Variants in SNX18 observed in about 807,000 individuals in gnomAD.
SNX18 encodes the protein sorting nexin 18.
A neutral mutation model predicts 48.7 loss-of-function variants in SNX18; 35 were observed. The observed-to-expected ratio is 0.72, with a 90% CI of 0.55 to 0.95. The LOEUF (loss-of-function observed/expected upper bound fraction) is 0.95. Among genes scored for constraint, SNX18 ranks in the 40% least tolerant of loss-of-function variants. The pLI is 0.00. For missense variants in SNX18, 824 were observed against 871.0 expected, an observed-to-expected ratio of 0.95 and a Z score of 0.68; for synonymous variants, 492 against 384.7, an observed-to-expected ratio of 1.28 and a Z score of -3.26.
rs74917587 is a variant in SNX18, at chr5:54,545,803, T to G, written c.*2371T>G. Reference sequence around the variant, plus strand: ...AAACCCAAGAGAAAAGCCATTATCATGTGTATGCTGGTCATCATGATCAGT... The same window carrying G: ...AAACCCAAGAGAAAAGCCATTATCAGGTGTATGCTGGTCATCATGATCAGT... On this transcript the variant is annotated 3_prime_UTR_variant, in exon 2 of 2. Transcript: ENST00000381410. 2.6e-5 allele frequency: 4 copies of G among 151,296 alleles called. 1 individual carries two copies. Among genetic ancestry groups the G allele is most frequent in the Non-Finnish European group, 1.5e-5 (1 of 68,018 alleles). The allele number at this position is 151,296 out of a possible 1,614,324, so 9.4% of individuals were successfully genotyped here.
At chr5:54,542,218 G>T (rs1367285352) in intron 1 of SNX18, among the ~76,000 whole-genome samples, 1 of 152,144 alleles carries the variant, frequency 6.6e-6, no homozygotes, top group Non-Finnish European at 1.5e-5. Context: ...TCAAACTTTT[G>T]TGTCTTTGTA....
Position 54,543,528 on chromosome 5 carries a change from G to GT in SNX18, c.*97dup, listed in dbSNP as rs1762512318. 6.9e-7 allele frequency: 1 copy of GT among 1,451,164 alleles called. No individual in the cohort carries two copies. The highest frequency in any genetic ancestry group is 1.4e-5 in the African/African-American group (1 of 70,680). 89.9% of individuals were successfully genotyped at this position (1,451,164 alleles called of 1,614,324 possible). A position where few individuals can be genotyped will look rare whatever the true frequency, so the allele number is the denominator to read the frequency against. On this transcript the variant is annotated 3_prime_UTR_variant, in exon 2 of 2. Coordinates refer to ENST00000381410, the MANE Select transcript of SNX18 (RefSeq NM_001102575.2). ...AAAGAGCTATTGCCAGCTATCAGTGGTGGTACAAGGACGGTTTTGTGTTCA... is the reference window on the plus strand; with the variant it reads ...AAAGAGCTATTGCCAGCTATCAGTGGTTGGTACAAGGACGGTTTTGTGTTCA...
At chr5:54,625,518 G>GCCT in the SNX18 span, among the ~76,000 whole-genome samples, 1 of 152,296 alleles carries the variant, frequency 6.6e-6, no homozygotes, top group Admixed American at 6.5e-5. Flanking sequence ...TTCCCTCAGA[G>GCCT]TGAAGGCTCT....
At chr5:54,587,949 C>A in the SNX18 span, among the ~76,000 whole-genome samples, 3 of 152,120 alleles carry the variant, frequency 2.0e-5, no homozygotes, top group Non-Finnish European at 4.4e-5. Flanking sequence ...TGTGATGAGG[C>A]CATCTGCCAG....
the SNX18 span, among the ~76,000 whole-genome samples, chr5:54,641,436 T>C: frequency 6.6e-6 from 1 of 152,106 alleles, no homozygotes; most frequent in African/African-American, 2.4e-5. Flanking sequence ...GCACATAAAA[T>C]AAACAGGAGC....
At chr5:54,549,608 A>G (rs1762623245), downstream of SNX18, among the ~76,000 whole-genome samples, 1 of 152,208 alleles carries the variant, frequency 6.6e-6, no homozygotes, top group African/African-American at 2.4e-5. Flanking sequence ...TATGTTTAAG[A>G]ATTTGTCCCG....
the SNX18 span, among the ~76,000 whole-genome samples, chr5:54,608,139 A>G: frequency 1.9e-4 from 29 of 152,278 alleles, 1 homozygote; most frequent in Admixed American, 1.3e-3. Flanking sequence ...CCTATCAGCA[A>G]TGTTTGAGGG....
the SNX18 span, among the ~76,000 whole-genome samples, chr5:54,616,057 A>G: frequency 6.6e-6 from 1 of 152,196 alleles, no homozygotes; most frequent in Non-Finnish European, 1.5e-5. Context: ...TGGCAGCATT[A>G]TTCTGCCTCT....
intron 1 of SNX18, among the ~76,000 whole-genome samples, chr5:54,530,430 G>T (rs188345925): frequency 1.3e-5 from 2 of 152,218 alleles, no homozygotes; most frequent in East Asian, 3.9e-4. Flanking sequence ...GCTAGGATTC[G>T]AGTGCATTAT....
the SNX18 span, chr5:54,644,060 T>C: frequency 6.6e-6 from 1 of 152,196 alleles, no homozygotes. Flanking sequence ...TTATAAGCCA[T>C]AACCTTAGGG....
the SNX18 span, among the ~76,000 whole-genome samples, chr5:54,563,170 G>T: frequency 1.3e-5 from 2 of 152,126 alleles, no homozygotes; most frequent in South Asian, 4.1e-4. Context: ...GTTTATTACT[G>T]AGGAAAGAAA....
intron 1 of SNX18, among the ~76,000 whole-genome samples, chr5:54,536,928 G>A (rs529309979): frequency 4.3e-4 from 66 of 152,188 alleles, no homozygotes; most frequent in Non-Finnish European, 8.7e-4. Flanking sequence ...CATTGTAACT[G>A]GTGTGAGATG....
chr5:54,590,793 A>C, the SNX18 span, among the ~76,000 whole-genome samples: 1 of 152,156 alleles, frequency 6.6e-6, no homozygotes, highest in Non-Finnish European at 1.5e-5. Flanking sequence ...CTAGTGTGTA[A>C]TCCGTTGCTT....
At chr5:54,519,804 CAA>C (rs1657428063) in intron 1 of SNX18, 2 of 1,612,126 alleles carry the variant, frequency 1.2e-6, no homozygotes, top group African/African-American at 1.3e-5. Context: ...CTCGAAGGTT[CAA>C]AGAGTACCTT....
the SNX18 span, among the ~76,000 whole-genome samples, chr5:54,587,738 C>T: frequency 2.0e-5 from 3 of 152,114 alleles, no homozygotes; most frequent in South Asian, 6.2e-4. Flanking sequence ...GGTACAGCAC[C>T]ATTGCTTTCA....
downstream of SNX18, among the ~76,000 whole-genome samples, chr5:54,548,975 A>C (rs1277224095): frequency 1.3e-5 from 2 of 152,188 alleles, no homozygotes. Flanking sequence ...ATTCCTTGCC[A>C]TGCCTAATAC....
At chr5:54,571,538 CTG>C in the SNX18 span, among the ~76,000 whole-genome samples, 9,639 of 152,284 alleles carry the variant, frequency 0.063, 410 homozygotes, top group Non-Finnish European at 0.096. Flanking sequence ...CCCAAGAAAA[CTG>C]TGCTCCACGA....
the SNX18 span, among the ~76,000 whole-genome samples, chr5:54,635,279 T>C: frequency 1.3e-5 from 2 of 151,630 alleles, no homozygotes; most frequent in Non-Finnish European, 2.9e-5. Flanking sequence ...CTATATATCG[T>C]TTTCCTTTCT....
In SNX18 at chr5:54,534,074, C is replaced by T. The variant is rs541007170; in HGVS notation, c.1622-9105C>T. ...AAAACAGGCCGAGTCCAGTCTTGAGCGACTTCTAAGCAGCTGTCCCTGCTG... is the reference window on the plus strand; with the variant it reads ...AAAACAGGCCGAGTCCAGTCTTGAGTGACTTCTAAGCAGCTGTCCCTGCTG... On this transcript the variant is annotated intron_variant, in intron 1 of 1. Transcript: ENST00000381410. Among the ~76,000 whole-genome samples, 15 of 152,198 alleles carry T rather than the reference C, an allele frequency of 9.9e-5. No homozygotes were observed. The South Asian group carries it at 2.1e-3, about 21-fold the overall frequency.
Sources: allele counts gnomAD v4.1 joint callset (sites outside exome capture counted in the v4.1 genomes callset), GRCh38; gene constraint gnomAD v4.1.1; transcripts MANE v1.5; gene names NCBI Gene and HGNC (gene_info 2026-07-23, HGNC 2026-07-21).